RNF126: variants seen among roughly 807,000 people sequenced by gnomAD.
RNF126 encodes the protein E3 ubiquitin-protein ligase RNF126.
RNF126 carries 20 observed loss-of-function variants against 41.9 expected under a neutral mutation model. That is an observed-to-expected ratio of 0.48 (90% CI 0.34 to 0.69). The LOEUF is 0.69. Among genes scored for constraint, RNF126 ranks in the 30% least tolerant of loss-of-function variants. The pLI is 0.01. For synonymous variants in RNF126, 239 were observed against 202.9 expected (o/e 1.18, Z -1.51); for missense variants, 433 against 460.6 (o/e 0.94, Z 0.55).
In RNF126 at chr19:649,584, G is replaced by A. The variant is rs1235145197; in HGVS notation, c.576+95C>T. ...TGTGCCCGCATCCCCTTTGACCTTT[G>A]TGGGGCTTCGTGGGTCCAGGCAGTG... On this transcript the variant is annotated intron_variant, in intron 6 of 8. Transcript: ENST00000292363. The A allele has an allele frequency of 4.0e-6, 4 of 1,007,342 alleles. No homozygotes were observed. The South Asian group carries it at 4.3e-5, about 11-fold the overall frequency. The allele number at this position is 1,007,342 out of a possible 1,614,324, so 62.4% of individuals were successfully genotyped here.
At chr19:652,501 A>ACCTCAACAG (rs1555680730) in intron 2 of RNF126, 10 of 604,654 alleles carry the variant, frequency 1.7e-5, no homozygotes, top group Admixed American at 9.3e-5. Flanking sequence ...ACCGGTGCAG[A>ACCTCAACAG]CCCCAACAGC....
intron 1 of RNF126, among the ~76,000 whole-genome samples, chr19:660,080 A>C (rs1029944919): frequency 1.3e-5 from 2 of 152,188 alleles, no homozygotes; most frequent in African/African-American, 4.8e-5. Context: ...ACAGCCTTTC[A>C]TGGGGGCAAC....
chr19:648,364 G>GGGCGCCCCCCCCCCCCGCCCGGCCC lies in RNF126; in HGVS notation c.786+7_786+8insGGGCCGGGCGGGGGGGGGGGGCGCC. 2.0e-6 allele frequency: 1 copy of GGGCGCCCCCCCCCCCCGCCCGGCCC among 510,498 alleles called. No homozygotes were observed. The allele number at this position is 510,498 out of a possible 1,614,324, so 31.6% of individuals were successfully genotyped here. A position where few individuals can be genotyped will look rare whatever the true frequency, so the allele number is the denominator to read the frequency against. On this transcript the variant is annotated splice_region_variant and intron_variant, in intron 8 of 8. Transcript: ENST00000292363. ...CGGGGTGGGGGGGCGGGTGGGCGGG[G>GGGCGCCCCCCCCCCCCGCCCGGCCC]CACTCACCTGCTCCAGCCAGGGCAC...
intron 1 of RNF126, 27 bp downstream of exon 1, chr19:663,020 C>T (rs2030878075): frequency 2.3e-6 from 3 of 1,287,930 alleles, no homozygotes; most frequent in Non-Finnish European, 3.0e-6. Flanking sequence ...CAGACCCTGC[C>T]GCCCGCCGCC....
intron 4 of RNF126, 181 bp downstream of exon 4, chr19:651,430 A>G (rs578139476): frequency 5.7e-6 from 3 of 525,234 alleles, no homozygotes; most frequent in Non-Finnish European, 9.1e-6. Context: ...GAACCGGCAT[A>G]CTTCTGTCTC....
intron 3 of RNF126, 42 bp downstream of exon 3, chr19:652,190 CA>C: frequency 6.8e-7 from 1 of 1,468,822 alleles, no homozygotes; most frequent in Non-Finnish European, 9.0e-7. Flanking sequence ...GGGCCCCGAG[CA>C]AGGCTGACAC....
rs370350292 is a variant in RNF126, at chr19:647,825, G to A, written c.*303C>T. Reference sequence around the variant, plus strand: ...GGCCGCCACGTGAGCTCAAACGTCCGTTTATTTCAAAGCAGTAATAATTTA... The same window carrying A: ...GGCCGCCACGTGAGCTCAAACGTCCATTTATTTCAAAGCAGTAATAATTTA... On this transcript the variant is annotated 3_prime_UTR_variant, in exon 9 of 9. Transcript: ENST00000292363. 876 of 499,202 alleles carry A rather than the reference G, an allele frequency of 1.8e-3. 7 individuals carry two copies. Among genetic ancestry groups the A allele is most frequent in the South Asian group, 2.9e-3 (167 of 58,308 alleles). The allele number at this position is 499,202 out of a possible 1,614,324, so 30.9% of individuals were successfully genotyped here.
chr19:662,963 G>C, intron 1 of RNF126, 84 bp downstream of exon 1: 1 of 566,264 alleles, frequency 1.8e-6, no homozygotes, highest in Non-Finnish European at 2.6e-6. Context: ...AGAGGCGGGC[G>C]CAAGCGACCC....
chr19:661,222 C>T, intron 1 of RNF126: 1 of 152,468 alleles, frequency 6.6e-6, no homozygotes, highest in South Asian at 2.1e-4. Context: ...CCTGTGCGGG[C>T]TCTAGGAGCA....
rs560180647 is a variant in RNF126, at chr19:659,957, G to A, written c.75+3090C>T. Among the ~76,000 whole-genome samples the A allele has an allele frequency of 2.2e-3, 338 of 152,260 alleles. 1 individual carries two copies. The highest frequency in any genetic ancestry group is 7.6e-3 in the African/African-American group (316 of 41,552). On this transcript the variant is annotated intron_variant, in intron 1 of 8. Coordinates refer to ENST00000292363, the MANE Select transcript of RNF126 (RefSeq NM_194460.3). This position sits in a 1 kb window ranked among gnomAD's most constrained non-coding sequence, Gnocchi z 4.9. Reference sequence around the variant, plus strand: ...CTTTTGTATTTTTAGTAGGGATGGGGTTTTACCATGTTAGCCAGGCTGGTC... The same window carrying A: ...CTTTTGTATTTTTAGTAGGGATGGGATTTTACCATGTTAGCCAGGCTGGTC...
intron 4 of RNF126, among the ~76,000 whole-genome samples, chr19:651,094 G>A (rs1055347533): frequency 1.3e-5 from 2 of 151,870 alleles, no homozygotes; most frequent in Admixed American, 1.3e-4. Context: ...AGCATCAACC[G>A]CCAGGAGTAG....
rs2030688091 is a variant in RNF126, at chr19:659,158, C to T, written c.75+3889G>A. Among the ~76,000 whole-genome samples, 1 of 152,168 alleles carries T rather than the reference C, an allele frequency of 6.6e-6. No individual in the cohort carries two copies. The highest frequency in any genetic ancestry group is 2.4e-5 in the African/African-American group (1 of 41,440). ...GGGCAGGCTGTCACTGTCACGGTAT[C>T]TGGCACAACCGCAGACACACAGAGC... On this transcript the variant is annotated intron_variant, in intron 1 of 8. Transcript: ENST00000292363. This position sits in a 1 kb window ranked among gnomAD's most constrained non-coding sequence, Gnocchi z 4.9.
In RNF126 at chr19:659,766, CTTTTTT is replaced by C. The variant is rs35641190; in HGVS notation, c.75+3275_75+3280del. On this transcript the variant is annotated intron_variant, in intron 1 of 8. Coordinates refer to ENST00000292363, the MANE Select transcript of RNF126 (RefSeq NM_194460.3). This position sits in a 1 kb window ranked among gnomAD's most constrained non-coding sequence, Gnocchi z 4.9. ...GACACCCAGACACCCTCGTCATCGC[CTTTTTT>C]TTTTTTTTTTGGAAGGAGTCTTGCT... Among the ~76,000 whole-genome samples, 1 of 138,852 alleles carries C rather than the reference CTTTTTT, an allele frequency of 7.2e-6. No homozygotes were observed. The highest frequency in any genetic ancestry group is 2.7e-5 in the African/African-American group (1 of 37,416). The allele number at this position is 138,852 out of a possible 152,430, so 91.1% of individuals were successfully genotyped here.
intron 6 of RNF126, chr19:649,235 C>T (rs541803198): frequency 1.3e-5 from 3 of 229,208 alleles, no homozygotes; most frequent in Admixed American, 1.3e-4. Flanking sequence ...GGGGGGGCCG[C>T]GCTCCTGAGT....
chr19:652,837 C>T lies in RNF126; in HGVS notation c.123G>A (p.Pro41=), dbSNP rs777951789. 1.2e-5 allele frequency: 19 copies of T among 1,613,116 alleles called. No homozygotes were observed. Among genetic ancestry groups the T allele is most frequent in the East Asian group, 2.2e-5 (1 of 44,872 alleles). ...RCESGFIEEL[P]EETRSTENGS... Reference sequence around the variant, plus strand: ...GGGGGCTGCATTACCTGGTCTCTTCCGGAAGCTCCTCGATAAAACCAGACT... The same window carrying T: ...GGGGGCTGCATTACCTGGTCTCTTCTGGAAGCTCCTCGATAAAACCAGACT... Residue 41 remains proline (P), a synonymous_variant, in exon 2 of 9, where the codon CCG becomes CCA. Coordinates refer to ENST00000292363, the MANE Select transcript of RNF126 (RefSeq NM_194460.3).
chr19:661,602 C>T (rs1237876097), intron 1 of RNF126, among the ~76,000 whole-genome samples: 2 of 152,140 alleles, frequency 1.3e-5, no homozygotes, highest in Non-Finnish European at 2.9e-5. Flanking sequence ...GGCCTGGCCC[C>T]GCTCTCCCGC....
In RNF126 at chr19:663,174, G is replaced by A. The variant is rs537353156; in HGVS notation, c.-53C>T. ...CGCCCCCCGCGCGGCACCCGCCGCCGGCCGTTTGCTGCTCCCTCGCCGGCC... is the reference window on the plus strand; with the variant it reads ...CGCCCCCCGCGCGGCACCCGCCGCCAGCCGTTTGCTGCTCCCTCGCCGGCC... On this transcript the variant is annotated 5_prime_UTR_variant, in exon 1 of 9. Coordinates refer to ENST00000292363, the MANE Select transcript of RNF126 (RefSeq NM_194460.3). 5 of 889,814 alleles carry A rather than the reference G, an allele frequency of 5.6e-6. No individual in the cohort carries two copies. The highest frequency in any genetic ancestry group is 3.6e-5 in the African/African-American group (2 of 55,046). 55.1% of individuals were successfully genotyped at this position (889,814 alleles called of 1,614,324 possible). A position where few individuals can be genotyped will look rare whatever the true frequency, so the allele number is the denominator to read the frequency against.
chr19:662,758 G>A (rs1450603340), intron 1 of RNF126, among the ~76,000 whole-genome samples: 1 of 152,106 alleles, frequency 6.6e-6, no homozygotes, highest in Non-Finnish European at 1.5e-5. Flanking sequence ...CTCGGGTCGG[G>A]AACGCCGCGG....
At chr19:661,953 C>A (rs561789937) in intron 1 of RNF126, among the ~76,000 whole-genome samples, 44 of 152,276 alleles carry the variant, frequency 2.9e-4, no homozygotes, top group African/African-American at 1.0e-3. Context: ...GTTTCCCCAT[C>A]TATAAAGCAC....
Sources: allele counts gnomAD v4.1 joint callset (sites outside exome capture counted in the v4.1 genomes callset), GRCh38; gene constraint gnomAD v4.1.1; non-coding constraint Gnocchi (gnomAD v3.1); transcripts MANE v1.5; gene names NCBI Gene and HGNC (gene_info 2026-07-23, HGNC 2026-07-21).